HTRA1: variants seen among roughly 807,000 people sequenced by gnomAD.
HTRA1 encodes HtrA serine peptidase 1.
HTRA1 carries 26 observed loss-of-function variants against 49.7 expected under a neutral mutation model. The ratio of observed to expected loss-of-function variants is 0.52; its 90% CI spans 0.38 to 0.73. HTRA1 has a LOEUF of 0.73. HTRA1 is among the 30% of genes least tolerant of loss of function. The probability of loss-of-function intolerance (pLI) is 0.00; values close to 1 mark genes in which losing one functional copy is unlikely to be tolerated. For missense variants in HTRA1, 561 were observed against 667.2 expected (o/e 0.84, Z 1.75); for synonymous variants, 291 against 286.9 (o/e 1.01, Z -0.14).
rs1454920894 is a variant in HTRA1, at chr10:122,461,581, C to T, written c.-72C>T. On this transcript the variant is annotated 5_prime_UTR_variant, in exon 1 of 9. Transcript: ENST00000368984. Reference sequence around the variant, plus strand: ...CGCACCCGCTGCCCCCGAGGCCCTCCTGCACTCTCCCCGGCGCCGCTCTCC... The same window carrying T: ...CGCACCCGCTGCCCCCGAGGCCCTCTTGCACTCTCCCCGGCGCCGCTCTCC... 2 of 988,870 alleles carry T rather than the reference C, an allele frequency of 2.0e-6. No individual in the cohort carries two copies. The highest frequency in any genetic ancestry group is 2.7e-6 in the Non-Finnish European group (2 of 737,140). 61.3% of individuals were successfully genotyped at this position (988,870 alleles called of 1,614,324 possible). A position where few individuals can be genotyped will look rare whatever the true frequency, so the allele number is the denominator to read the frequency against.
rs11200644 is a variant in HTRA1 at position 122,471,425 on chromosome 10, T to C, written c.472+9301T>C. On this transcript the variant is annotated intron_variant, in intron 1 of 8. Coordinates refer to ENST00000368984, the MANE Select transcript of HTRA1 (RefSeq NM_002775.5). ...CATCATTGGCCAAACATATAGTCCTTCTGTCCTCTGAAAAATATCATTCTG... is the reference window on the plus strand; with the variant it reads ...CATCATTGGCCAAACATATAGTCCTCCTGTCCTCTGAAAAATATCATTCTG... Among the ~76,000 whole-genome samples, 1,680 of 152,276 alleles carry C rather than the reference T, an allele frequency of 0.011. 82 individuals carry two copies. The East Asian group carries it at 0.16, about 15-fold the overall frequency.
intron 1 of HTRA1, among the ~76,000 whole-genome samples, chr10:122,480,798 C>A (rs2097490655): frequency 6.6e-6 from 1 of 152,062 alleles, no homozygotes; most frequent in Non-Finnish European, 1.5e-5. Flanking sequence ...ATTCAGTATA[C>A]CCTCTTCAAG....
chr10:122,514,063 G>C (rs1317981732), intron 8 of HTRA1, 128 bp from the exon 9 acceptor site: 1 of 937,752 alleles, frequency 1.1e-6, no homozygotes, highest in Admixed American at 1.7e-5. Context: ...ATTATTCTAA[G>C]TTCGCCACCG....
At chr10:122,511,742 AAAATAAATAAAAAAAAT>A (rs2097505697) in intron 7 of HTRA1, among the ~76,000 whole-genome samples, 2 of 76,552 alleles carry the variant, frequency 2.6e-5, no homozygotes, top group Admixed American at 3.7e-4. Context: ...CAAAAAAAAA[AAAATAAATAAAAAAAAT>A]AAATAAATAA....
At position 122,499,730 on chromosome 10, in the gene HTRA1, A is replaced by T. The variant is rs185647016; in HGVS notation, c.778-6961A>T. Among the ~76,000 whole-genome samples the T allele has an allele frequency of 1.6e-4, 25 of 152,332 alleles. No homozygotes were observed. In the East Asian group the frequency reaches 4.8e-3, roughly 29 times the overall value. On this transcript the variant is annotated intron_variant, in intron 3 of 8. Transcript: ENST00000368984. ...TCTATAGCACTGTTTCTTGCTGGGT[A>T]TGGAGGATGTGCTATTTTGTCCATT...
intron 3 of HTRA1, among the ~76,000 whole-genome samples, chr10:122,498,975 G>A (rs999588163): frequency 1.3e-5 from 2 of 151,958 alleles, no homozygotes; most frequent in African/African-American, 4.8e-5. Flanking sequence ...TCTATCCCTG[G>A]AAAGGATGTA....
intron 6 of HTRA1, among the ~76,000 whole-genome samples, chr10:122,509,585 C>T (rs2097504681): frequency 2.0e-5 from 3 of 152,184 alleles, no homozygotes; most frequent in Admixed American, 2.0e-4. Context: ...CACAGCAGGC[C>T]GTGGTGAGGG....
intron 3 of HTRA1, among the ~76,000 whole-genome samples, chr10:122,489,833 G>A (rs567139549): frequency 6.6e-6 from 1 of 152,244 alleles, no homozygotes; most frequent in African/African-American, 2.4e-5. Context: ...TAAGGAGCCA[G>A]ATAAAAGTTT....
chr10:122,489,475 T>C lies in HTRA1; in HGVS notation c.626T>C (p.Val209Ala), dbSNP rs769725217. The change falls in exon 3 of 9, where the codon GTG (valine) becomes GCG (alanine). Residue 209 changes from valine (V) to alanine (A), a missense_variant. Transcript: ENST00000368984. ...VPVASGSGFIVSEDGLIVTNA... is the reference protein window; with the variant it reads ...VPVASGSGFIASEDGLIVTNA... ...GTGGCTAGTGGGTCTGGGTTTATTG[T>C]GTCGGAAGATGGACTGATCGTGACA... 1.2e-6 allele frequency: 2 copies of C among 1,614,210 alleles called. No homozygotes were observed. The highest frequency in any genetic ancestry group is 1.7e-6 in the Non-Finnish European group (2 of 1,180,028).
At chr10:122,503,548 C>T (rs1164617572) in intron 3 of HTRA1, among the ~76,000 whole-genome samples, 1 of 152,218 alleles carries the variant, frequency 6.6e-6, no homozygotes, top group Non-Finnish European at 1.5e-5. Flanking sequence ...AGATTTCTGC[C>T]TGTGATTGGA....
At chr10:122,482,917 CAAAAAA>C (rs59042439) in intron 1 of HTRA1, among the ~76,000 whole-genome samples, 1 of 75,022 alleles carries the variant, frequency 1.3e-5, no homozygotes, top group Admixed American at 1.8e-4. Flanking sequence ...GACTCTGTCT[CAAAAAA>C]AAAAAAAAAA....
intron 1 of HTRA1, among the ~76,000 whole-genome samples, chr10:122,463,251 T>TAA (rs751049555): frequency 2.6e-5 from 4 of 152,252 alleles, no homozygotes; most frequent in Non-Finnish European, 4.4e-5. Context: ...TAGTTTGGCT[T>TAA]ACGTGGACGG....
Position 122,508,759 on chromosome 10 carries a change from G to T in HTRA1, c.1109G>T (p.Arg370Leu), listed in dbSNP as rs746189509. Residue 370 changes from arginine (R) to leucine (L), a missense_variant, in exon 6 of 9, where the codon CGA (arginine) becomes CTA (leucine). By Grantham distance (102) the Arg-to-Leu change is moderately radical (BLOSUM62 -2). Transcript: ENST00000368984. ...IKKFLTESHD[R>L]QAKGKAITKK... is the part of the protein sequence containing the mutation. Reference sequence around the variant, plus strand: ...AAGTTCCTCACGGAGTCCCATGACCGACAGGCCAAAGGTAGGCAAGGCCCA... The same window carrying T: ...AAGTTCCTCACGGAGTCCCATGACCTACAGGCCAAAGGTAGGCAAGGCCCA... 1 of 1,607,166 alleles carries T rather than the reference G, an allele frequency of 6.2e-7. No individual in the cohort carries two copies. The highest frequency in any genetic ancestry group is 1.1e-5 in the South Asian group (1 of 90,946).
At chr10:122,470,378 G>A (rs1168015145) in intron 1 of HTRA1, among the ~76,000 whole-genome samples, 1 of 152,170 alleles carries the variant, frequency 6.6e-6, no homozygotes, top group East Asian at 1.9e-4. Context: ...TAAGGGGTAT[G>A]GAGGAGCTTC....
intron 1 of HTRA1, among the ~76,000 whole-genome samples, chr10:122,463,300 C>T (rs1298056715): frequency 6.6e-6 from 1 of 152,202 alleles, no homozygotes; most frequent in South Asian, 2.1e-4. Flanking sequence ...TTCGAGATTG[C>T]GTATTTCACC....
intron 7 of HTRA1, among the ~76,000 whole-genome samples, chr10:122,510,701 C>T (rs1219436270): frequency 1.3e-5 from 2 of 152,154 alleles, no homozygotes; most frequent in African/African-American, 4.8e-5. Context: ...GTGTTCTAAA[C>T]TGGATGAAAA....
At chr10:122,508,287 A>G (rs2097504056) in intron 5 of HTRA1, among the ~76,000 whole-genome samples, 1 of 152,236 alleles carries the variant, frequency 6.6e-6, no homozygotes, top group African/African-American at 2.4e-5. Flanking sequence ...AGTCATCTTA[A>G]GATCATTAGA....
intron 1 of HTRA1, among the ~76,000 whole-genome samples, chr10:122,469,008 C>A (rs1353938833): frequency 3.3e-5 from 5 of 152,186 alleles, no homozygotes. Flanking sequence ...CATCCCGTGA[C>A]AGCAGCTGGT....
At chr10:122,477,240 T>C (rs1810393) in intron 1 of HTRA1, among the ~76,000 whole-genome samples, 17,666 of 152,192 alleles carry the variant, frequency 0.12, 1,200 homozygotes, top group South Asian at 0.25. Context: ...GCGCTGGGAT[T>C]ACAGGTGTGA....
Sources: gnomAD v4.1 joint callset for allele counts (sites outside exome capture counted in the v4.1 genomes callset) on GRCh38, gnomAD v4.1.1 for gene constraint, MANE v1.5 for transcripts, NCBI Gene and HGNC (gene_info 2026-07-23, HGNC 2026-07-21) for gene names.